EYS: variants seen among roughly 807,000 people sequenced by gnomAD.
The protein encoded by EYS is EGF-like photoreceptor maintenance factor.
Under a neutral mutation model 282.1 loss-of-function variants are expected in EYS, and 250 were observed. The observed-to-expected ratio is 0.89, with a 90% CI of 0.80 to 0.98. The LOEUF (loss-of-function observed/expected upper bound fraction) is 0.98. Among genes scored for constraint, EYS ranks in the 50% least tolerant of loss-of-function variants. The probability of loss-of-function intolerance (pLI) is 0.00; values close to 1 mark genes in which losing one functional copy is unlikely to be tolerated. For synonymous variants in EYS, 1,355 were observed against 1,282.9 expected (o/e 1.06, Z -1.20); for missense variants, 4,016 against 3,709.0 (o/e 1.08, Z -2.15).
At chr6:65,666,632 T>C (rs1412612398) in intron 1 of EYS, among the ~76,000 whole-genome samples, 1 of 151,708 alleles carries the variant, frequency 6.6e-6, no homozygotes, top group Non-Finnish European at 1.5e-5. Context: ...TCTACAGATA[T>C]TGATTAAATA....
chr6:64,804,250 T>G (rs146189865), intron 22 of EYS, among the ~76,000 whole-genome samples: 133 of 152,336 alleles, frequency 8.7e-4, no homozygotes, highest in African/African-American at 3.1e-3. Flanking sequence ...TTCAGTATAC[T>G]TGGTATAACT....
At chr6:64,529,939 G>A (rs1427803799) in intron 26 of EYS, among the ~76,000 whole-genome samples, 2 of 152,066 alleles carry the variant, frequency 1.3e-5, no homozygotes, top group African/African-American at 4.8e-5. Flanking sequence ...GATTCTGTAA[G>A]TAGAAAGCCA....
At chr6:65,025,134 T>C (rs2150140644) in intron 13 of EYS, among the ~76,000 whole-genome samples, 1 of 152,350 alleles carries the variant, frequency 6.6e-6, no homozygotes, top group South Asian at 2.1e-4. Context: ...TTACAGAGTA[T>C]ATTTGTACCT....
At chr6:64,867,271 G>A (rs1413185755) in intron 19 of EYS, among the ~76,000 whole-genome samples, 1 of 151,556 alleles carries the variant, frequency 6.6e-6, no homozygotes, top group Non-Finnish European at 1.5e-5. Flanking sequence ...TTATGTTTCA[G>A]AAAATGCCAA....
intron 19 of EYS, among the ~76,000 whole-genome samples, chr6:64,883,303 C>T (rs950312871): frequency 6.6e-6 from 1 of 151,468 alleles, no homozygotes; most frequent in East Asian, 1.9e-4. Context: ...AAATGTGCAT[C>T]GCTTTGAAGC....
At chr6:64,813,246 G>C (rs925041322) in intron 22 of EYS, 132 bp downstream of exon 22, 1 of 572,178 alleles carries the variant, frequency 1.7e-6, no homozygotes, top group African/African-American at 2.0e-5. Context: ...TTTCTAAGTT[G>C]TGCTTATATA....
intron 31 of EYS, among the ~76,000 whole-genome samples, chr6:64,186,822 C>T (rs1173808937): frequency 1.3e-5 from 2 of 152,080 alleles, no homozygotes; most frequent in Non-Finnish European, 2.9e-5. Flanking sequence ...CACTTGTAAC[C>T]TGAGTTATGT....
intron 35 of EYS, among the ~76,000 whole-genome samples, chr6:63,952,225 G>A (rs1272928704): frequency 2.0e-5 from 3 of 152,200 alleles, no homozygotes; most frequent in Non-Finnish European, 2.9e-5. Flanking sequence ...CCACAGCCCA[G>A]GATTCCTCCT....
chr6:64,360,350 C>T (rs1321212283), intron 29 of EYS, among the ~76,000 whole-genome samples: 7 of 151,706 alleles, frequency 4.6e-5, no homozygotes, highest in Admixed American at 4.6e-4. Context: ...GGGCACGCTA[C>T]ACCCCTAAAC....
At chr6:64,080,468 A>G (rs1417246842) in intron 32 of EYS, among the ~76,000 whole-genome samples, 1 of 152,102 alleles carries the variant, frequency 6.6e-6, no homozygotes, top group East Asian at 1.9e-4. Flanking sequence ...CCTTTGTCAG[A>G]TGAGTAGATT....
intron 2 of EYS, among the ~76,000 whole-genome samples, chr6:65,591,922 C>A (rs1484584466): frequency 6.6e-6 from 1 of 151,994 alleles, no homozygotes. Context: ...CACCATGTGT[C>A]ATTATCTCTG....
chr6:64,989,215 G>T (rs2150121254), intron 14 of EYS, among the ~76,000 whole-genome samples: 1 of 150,348 alleles, frequency 6.7e-6, no homozygotes. Flanking sequence ...AGCTGGTGAG[G>T]CCAAAGCTAT....
intron 14 of EYS, among the ~76,000 whole-genome samples, chr6:64,950,719 T>A (rs9453123): frequency 2.3e-3 from 325 of 144,298 alleles, no homozygotes; most frequent in African/African-American, 7.8e-3. Context: ...CAAAATGATT[T>A]AAAAAAACCC....
At chr6:65,092,517 A>T (rs1418101468) in intron 12 of EYS, among the ~76,000 whole-genome samples, 1 of 152,208 alleles carries the variant, frequency 6.6e-6, no homozygotes, top group African/African-American at 2.4e-5. Flanking sequence ...TATAACAATC[A>T]TCTTACTGCC....
At chr6:65,540,100 A>G (rs1247860385) in intron 2 of EYS, among the ~76,000 whole-genome samples, 1 of 152,230 alleles carries the variant, frequency 6.6e-6, no homozygotes, top group African/African-American at 2.4e-5. Context: ...ATCTTATTTT[A>G]GTTTTTAACA....
chr6:63,849,635 A>T (rs931714006), intron 36 of EYS, among the ~76,000 whole-genome samples: 2 of 152,218 alleles, frequency 1.3e-5, no homozygotes, highest in Admixed American at 1.3e-4. Flanking sequence ...ATCAACATCA[A>T]CAAAAAGGAC....
chr6:65,235,952 A>G (rs558197703), intron 12 of EYS, among the ~76,000 whole-genome samples: 1 of 151,938 alleles, frequency 6.6e-6, no homozygotes, highest in Non-Finnish European at 1.5e-5. Context: ...TTTGGCATAT[A>G]TTTCTTAGGC....
At chr6:63,962,211 T>C (rs572393358) in intron 35 of EYS, among the ~76,000 whole-genome samples, 29 of 152,298 alleles carry the variant, frequency 1.9e-4, no homozygotes, top group African/African-American at 6.7e-4. Context: ...AAGGACTTCA[T>C]GTCTAAAACA....
At chr6:65,590,409 G>A (rs1328954964) in intron 2 of EYS, among the ~76,000 whole-genome samples, 1 of 151,966 alleles carries the variant, frequency 6.6e-6, no homozygotes, top group South Asian at 2.1e-4. Flanking sequence ...TTCAATACAT[G>A]TATAAAATAT....
Sources: gnomAD v4.1 joint callset for allele counts (sites outside exome capture counted in the v4.1 genomes callset) on GRCh38, gnomAD v4.1.1 for gene constraint, MANE v1.5 for transcripts, NCBI Gene and HGNC (gene_info 2026-07-23, HGNC 2026-07-21) for gene names.